Variants in GRAMD1C observed in about 807,000 individuals in gnomAD.
GRAMD1C encodes the protein GRAM domain containing 1C, also known as protein Aster-C.
A neutral mutation model predicts 97.8 loss-of-function variants in GRAMD1C; 89 were observed. The observed-to-expected ratio is 0.91, with a 90% confidence interval of 0.77 to 1.09. GRAMD1C has a LOEUF of 1.09. GRAMD1C is among the 50% of genes least tolerant of loss of function. The pLI, the probability that GRAMD1C is intolerant of heterozygous loss-of-function variation, is 0.00. For synonymous variants in GRAMD1C, 256 were observed against 267.0 expected (o/e 0.96, Z 0.40); for missense variants, 740 against 766.4 (o/e 0.97, Z 0.41).
At chr3:113,844,702 A>T in intron 2 of GRAMD1C, 53 bp downstream of exon 2, 1 of 1,285,864 alleles carries the variant, frequency 7.8e-7, no homozygotes, top group Non-Finnish European at 1.1e-6. Flanking sequence ...ATTTTCTTTA[A>T]ATCTGCAAGG....
intron 10 of GRAMD1C, among the ~76,000 whole-genome samples, chr3:113,921,385 A>G (rs773998595): frequency 2.0e-5 from 3 of 152,212 alleles, no homozygotes; most frequent in Non-Finnish European, 4.4e-5. Flanking sequence ...TATGCATTGC[A>G]TGTCTTTACT....
In GRAMD1C at chr3:113,864,707, G is replaced by T. The variant is rs193124712; in HGVS notation, c.175-4800G>T. Among the ~76,000 whole-genome samples the T allele has an allele frequency of 3.3e-5, 5 of 152,234 alleles. No homozygotes were observed. The East Asian group carries it at 9.7e-4, about 29-fold the overall frequency. On this transcript the variant is annotated intron_variant, in intron 2 of 17. Coordinates refer to ENST00000358160, the MANE Select transcript of GRAMD1C (RefSeq NM_017577.5). ...GGCCTTTACTGTCCACATTTCTACGGACGTTCTGTTCACAACCACTTAAGT... is the reference window on the plus strand; with the variant it reads ...GGCCTTTACTGTCCACATTTCTACGTACGTTCTGTTCACAACCACTTAAGT...
intron 2 of GRAMD1C, chr3:113,850,382 G>GT: frequency 2.4e-6 from 2 of 829,696 alleles, no homozygotes; most frequent in South Asian, 1.3e-5. Flanking sequence ...TTCCCCTTTT[G>GT]TGAGTCTTGC....
In GRAMD1C at chr3:113,928,282, C is replaced by T. The variant is rs112542676; in HGVS notation, c.1091-2432C>T. 4.3e-3 allele frequency among the ~76,000 whole-genome samples: 655 copies of T among 152,076 alleles called. 1 individual carries two copies. Among genetic ancestry groups the T allele is most frequent in the Middle Eastern group, 0.014 (4 of 294 alleles). On this transcript the variant is annotated intron_variant, in intron 10 of 17. Transcript: ENST00000358160. ...TTCCTGTTTGTGAGAGCGGCACACA[C>T]GAGCAGCTTCTAATTCACCATCTTG... is the stretch of plus-strand genomic sequence containing the variant.
intron 10 of GRAMD1C, among the ~76,000 whole-genome samples, chr3:113,922,159 C>T (rs968690232): frequency 6.6e-5 from 10 of 152,010 alleles, no homozygotes; most frequent in African/African-American, 2.2e-4. Context: ...GCAGCCTCAA[C>T]CTCCTGGACT....
intron 8 of GRAMD1C, among the ~76,000 whole-genome samples, chr3:113,905,575 G>T (rs535913586): frequency 6.6e-6 from 1 of 152,154 alleles, no homozygotes; most frequent in Non-Finnish European, 1.5e-5. Context: ...GTAAAGTGAG[G>T]ATTATACTTT....
At chr3:113,841,975 C>T (rs117961879) in intron 1 of GRAMD1C, among the ~76,000 whole-genome samples, 1 of 152,252 alleles carries the variant, frequency 6.6e-6, no homozygotes, top group East Asian at 1.9e-4. Flanking sequence ...TGGGATTATA[C>T]GTGTGAGCCA....
intron 2 of GRAMD1C, among the ~76,000 whole-genome samples, chr3:113,860,309 T>C (rs1201415285): frequency 2.0e-5 from 3 of 152,156 alleles, no homozygotes; most frequent in Non-Finnish European, 4.4e-5. Context: ...TGTGAGCCAC[T>C]GCACTCGGCC....
rs1577195174 is a variant in GRAMD1C at position 113,911,301 on chromosome 3, T to A, written c.952+2181T>A. Among the ~76,000 whole-genome samples, 3 of 151,928 alleles carry A rather than the reference T, an allele frequency of 2.0e-5. No individual in the cohort carries two copies. The South Asian group carries it at 6.3e-4, about 32-fold the overall frequency. The stretch of plus-strand genomic sequence containing the variant: ...CCCAGGATGGAGTGCAGTGGTGTGA[T>A]CTTGGCTCACTGCAATCTCTGCCTC... On this transcript the variant is annotated intron_variant, in intron 9 of 17. Coordinates refer to ENST00000358160, the MANE Select transcript of GRAMD1C (RefSeq NM_017577.5).
chr3:113,872,917 C>CAA (rs1173058062), intron 3 of GRAMD1C, among the ~76,000 whole-genome samples: 5 of 64,434 alleles, frequency 7.8e-5, no homozygotes, highest in Admixed American at 3.4e-4. Context: ...ACTAAAAATA[C>CAA]AAAAAAAAAA....
chr3:113,891,873 T>C (rs1297164291), intron 6 of GRAMD1C, among the ~76,000 whole-genome samples: 1 of 151,136 alleles, frequency 6.6e-6, no homozygotes. Flanking sequence ...GTTGACAGAG[T>C]GAGACACTGT....
At chr3:113,856,568 C>T (rs1934138390) in intron 2 of GRAMD1C, among the ~76,000 whole-genome samples, 4 of 152,118 alleles carry the variant, frequency 2.6e-5, no homozygotes, top group Non-Finnish European at 4.4e-5. Context: ...GAGACAGAGT[C>T]CTGCTCTGTC....
At chr3:113,938,370 A>T in intron 15 of GRAMD1C, 2 of 356,864 alleles carry the variant, frequency 5.6e-6, no homozygotes, top group South Asian at 1.7e-4. Context: ...CATTCAACAG[A>T]TGTTTTTATT....
At chr3:113,848,481 C>G (rs1000884725) in intron 2 of GRAMD1C, among the ~76,000 whole-genome samples, 1 of 143,566 alleles carries the variant, frequency 7.0e-6, no homozygotes, top group Admixed American at 7.5e-5. Context: ...AGATAGGAAT[C>G]TTAGTTGTTG....
rs1340972006 is a variant in GRAMD1C at position 113,877,824 on chromosome 3, G to T, written c.459+1564G>T. Among the ~76,000 whole-genome samples the T allele has an allele frequency of 2.0e-5, 3 of 151,720 alleles. 1 individual carries two copies. The highest frequency in any genetic ancestry group is 2.0e-4 in the Admixed American group (3 of 15,200). On this transcript the variant is annotated intron_variant, in intron 5 of 17. Coordinates refer to ENST00000358160, the MANE Select transcript of GRAMD1C (RefSeq NM_017577.5). ...ACGGAGTTTTGTTTTTATTGCCCAG[G>T]CTCAAGGCAATGGTGTGATCTTCGC... is the stretch of plus-strand genomic sequence containing the variant.
chr3:113,871,744 C>CA lies in GRAMD1C; in HGVS notation c.259+2175dup, dbSNP rs1179822586. 3.8e-3 allele frequency among the ~76,000 whole-genome samples: 246 copies of CA among 65,408 alleles called. 9 individuals carry two copies. The highest frequency in any genetic ancestry group is 0.015 in the African/African-American group (188 of 12,284). The allele number at this position is 65,408 out of a possible 152,430, so 42.9% of individuals were successfully genotyped here. On this transcript the variant is annotated intron_variant, in intron 3 of 17. Coordinates refer to ENST00000358160, the MANE Select transcript of GRAMD1C (RefSeq NM_017577.5). The stretch of plus-strand genomic sequence containing the variant: ...TGGGCAACAGAGTGAGACTCTGTCT[C>CA]AAAAAAAAAAAAAAAAAAAAAACAA...
At chr3:113,916,043 C>T (rs1475295130) in intron 10 of GRAMD1C, among the ~76,000 whole-genome samples, 2 of 152,166 alleles carry the variant, frequency 1.3e-5, no homozygotes, top group Admixed American at 6.5e-5. Context: ...GCACATGCTT[C>T]CAACAATTAA....
intron 6 of GRAMD1C, among the ~76,000 whole-genome samples, chr3:113,899,467 G>A (rs934950743): frequency 6.7e-6 from 1 of 150,228 alleles, no homozygotes; most frequent in African/African-American, 2.4e-5. Context: ...TATATTAAAA[G>A]TTGTTTGAGG....
At chr3:113,873,677 C>T (rs1934921891) in intron 3 of GRAMD1C, among the ~76,000 whole-genome samples, 1 of 152,086 alleles carries the variant, frequency 6.6e-6, no homozygotes, top group Non-Finnish European at 1.5e-5. Context: ...CGCCACCATA[C>T]CTGGCTAATT....
Sources: allele counts gnomAD v4.1 joint callset (sites outside exome capture counted in the v4.1 genomes callset), GRCh38; gene constraint gnomAD v4.1.1; transcripts MANE v1.5; gene names NCBI Gene and HGNC (gene_info 2026-07-23, HGNC 2026-07-21).